The following CCR5AS variants were observed in gnomAD, a reference collection of about 807,000 sequenced individuals.
CCR5AS encodes CCR5 antisense RNA.
intron 2 of CCR5AS, among the ~76,000 whole-genome samples, chr3:46,384,707 A>T (rs1241433228): frequency 6.6e-6 from 1 of 152,236 alleles, no homozygotes. Flanking sequence ...AGGATTAGTT[A>T]GAAGCTACTG....
intron 3 of CCR5AS, among the ~76,000 whole-genome samples, chr3:46,369,238 A>G (rs960720412): frequency 6.6e-6 from 1 of 152,238 alleles, no homozygotes; most frequent in African/African-American, 2.4e-5. Context: ...ACTAAGGCAC[A>G]GAGCTTCAAT....
chr3:46,366,304 A>G (rs1246879867), intron 3 of CCR5AS, among the ~76,000 whole-genome samples: 2 of 152,212 alleles, frequency 1.3e-5, no homozygotes, highest in Non-Finnish European at 2.9e-5. Context: ...AAAGCCCTAC[A>G]TAATCTCGTG....
At chr3:46,379,612 T>C (rs1002157653) in intron 2 of CCR5AS, among the ~76,000 whole-genome samples, 1 of 152,128 alleles carries the variant, frequency 6.6e-6, no homozygotes, top group Non-Finnish European at 1.5e-5. Context: ...ATGCACTGCT[T>C]CGCCAGGCGT....
At chr3:46,372,908 T>C (rs1365309969) in intron 2 of CCR5AS, 2 of 1,580,542 alleles carry the variant, frequency 1.3e-6, no homozygotes, top group Admixed American at 1.7e-5. Context: ...ACAAGATGGA[T>C]TATCAAGTGT....
At chr3:46,374,502 C>T (rs1310831411) in intron 2 of CCR5AS, 1 of 167,112 alleles carries the variant, frequency 6.0e-6, no homozygotes, top group Non-Finnish European at 1.5e-5. Context: ...ATAAGTTTCA[C>T]TGACTTAGAA....
chr3:46,370,591 A>G (rs534240555), intron 3 of CCR5AS, among the ~76,000 whole-genome samples: 1 of 152,302 alleles, frequency 6.6e-6, no homozygotes, highest in East Asian at 1.9e-4. Context: ...TGTACAAATC[A>G]TTTGCTTCTT....
At chr3:46,376,523 A>C (rs555631895) in intron 2 of CCR5AS, among the ~76,000 whole-genome samples, 22 of 152,326 alleles carry the variant, frequency 1.4e-4, no homozygotes, top group African/African-American at 4.8e-4. Context: ...AAGAATTGCC[A>C]TGTTTTAAAA....
intron 1 of CCR5AS, among the ~76,000 whole-genome samples, chr3:46,402,944 A>T (rs1405492151): frequency 1.3e-5 from 2 of 152,114 alleles, no homozygotes; most frequent in African/African-American, 4.8e-5. Context: ...CTTTGAGTTC[A>T]TGTGTTCTCA....
At position 46,372,971 on chromosome 3, in the gene CCR5AS, C is replaced by A. The variant is rs763103073; in HGVS notation, n.392-1554G>T. ...ATACATCGGAGCCCTGCCAAAAAAT[C>A]AATGTGAAGCAAATCGCAGCCCGCC... is the stretch of plus-strand genomic sequence containing the variant. On this transcript the variant is annotated intron_variant and non_coding_transcript_variant, in intron 2 of 3. Transcript: ENST00000451485. 1.1e-5 allele frequency: 17 copies of A among 1,613,382 alleles called. No individual in the cohort carries two copies. The South Asian group carries it at 1.9e-4, about 18-fold the overall frequency.
At chr3:46,364,778 G>A (rs531011944) in exon 4 of CCR5AS, among the ~76,000 whole-genome samples, 1 of 152,186 alleles carries the variant, frequency 6.6e-6, no homozygotes, top group South Asian at 2.1e-4. Context: ...TAATTCATGG[G>A]AGGAGGTCAA....
intron 2 of CCR5AS, chr3:46,373,429 A>G: frequency 6.2e-7 from 1 of 1,612,586 alleles, no homozygotes; most frequent in Non-Finnish European, 8.5e-7. Flanking sequence ...GGTCTTCATT[A>G]CACCTGCAGC....
chr3:46,395,808 C>T (rs1009262713), intron 1 of CCR5AS, among the ~76,000 whole-genome samples: 1 of 152,190 alleles, frequency 6.6e-6, no homozygotes, highest in Admixed American at 6.5e-5. Flanking sequence ...CAGGACCAGC[C>T]TCTGAAGTTG....
At chr3:46,380,802 G>T (rs145531341) in intron 2 of CCR5AS, among the ~76,000 whole-genome samples, 1 of 152,200 alleles carries the variant, frequency 6.6e-6, no homozygotes, top group East Asian at 1.9e-4. Context: ...GTTCTGATTC[G>T]ATCTGCCTGC....
chr3:46,376,233 A>G (rs1701756354), intron 2 of CCR5AS: 1 of 158,536 alleles, frequency 6.3e-6, no homozygotes. Flanking sequence ...TCTTTCAGTC[A>G]AGTGTACATT....
intron 2 of CCR5AS, among the ~76,000 whole-genome samples, chr3:46,389,328 G>C (rs1701888477): frequency 6.6e-6 from 1 of 152,174 alleles, no homozygotes; most frequent in South Asian, 2.1e-4. Flanking sequence ...CAATGGGGAG[G>C]GTCGTGCAGA....
chr3:46,393,648 G>A (rs185335775), intron 1 of CCR5AS, among the ~76,000 whole-genome samples: 2 of 152,288 alleles, frequency 1.3e-5, no homozygotes, highest in African/African-American at 2.4e-5. Context: ...GGTTACAACA[G>A]CGCACAAATT....
rs187703099 is a variant in CCR5AS, at chr3:46,378,548, C to A, written n.392-7131G>T. Among the ~76,000 whole-genome samples, 47 of 152,278 alleles carry A rather than the reference C, an allele frequency of 3.1e-4. No individual in the cohort carries two copies. The East Asian group carries it at 8.5e-3, about 27-fold the overall frequency. ...TGGCAAGCCTTGGGTCATACTGCCCCCGCGAGGCCACATTGGCAAACCAGC... is the reference window on the plus strand; with the variant it reads ...TGGCAAGCCTTGGGTCATACTGCCCACGCGAGGCCACATTGGCAAACCAGC... On this transcript the variant is annotated intron_variant and non_coding_transcript_variant, in intron 2 of 3. Transcript: ENST00000451485.
chr3:46,368,274 G>T (rs1194029746), intron 3 of CCR5AS, among the ~76,000 whole-genome samples: 1 of 152,192 alleles, frequency 6.6e-6, no homozygotes, highest in South Asian at 2.1e-4. Flanking sequence ...TTCCTATGGG[G>T]TGTCCGAATG....
Position 46,402,839 on chromosome 3 carries a change from G to A in CCR5AS, n.163+4058C>T, listed in dbSNP as rs566645577. 7.2e-4 allele frequency among the ~76,000 whole-genome samples: 110 copies of A among 152,240 alleles called. 1 individual carries two copies. The highest frequency in any genetic ancestry group is 2.4e-3 in the African/African-American group (100 of 41,540). ...GTTGTACAAATTATTTCATCACTCA[G>A]CTATCAAGCCCAGTACTCAATAGGT... On this transcript the variant is annotated intron_variant and non_coding_transcript_variant, in intron 1 of 3. Coordinates refer to ENST00000451485, the Ensembl canonical transcript of CCR5AS.
Sources: gnomAD v4.1 joint callset for allele counts (sites outside exome capture counted in the v4.1 genomes callset) on GRCh38, gnomAD v4.1.1 for gene constraint, MANE v1.5 for transcripts, NCBI Gene and HGNC (gene_info 2026-07-23, HGNC 2026-07-21) for gene names.